The following GPR137C variants were observed in gnomAD, a reference collection of about 807,000 sequenced individuals.
GPR137C encodes the protein G protein-coupled receptor 137C.
In GPR137C, 27 loss-of-function variants were observed where a neutral mutation model predicts 43.4. The observed-to-expected ratio is 0.62, with a 90% CI of 0.46 to 0.86. The LOEUF is 0.86. GPR137C is among the 40% of genes least tolerant of loss of function. The pLI is 0.00. For synonymous variants in GPR137C, 285 were observed against 226.9 expected (o/e 1.26, Z -2.30); for missense variants, 522 against 534.6 (o/e 0.98, Z 0.23).
chr14:52,574,899 T>G (rs2038528045), intron 1 of GPR137C, among the ~76,000 whole-genome samples: 1 of 152,158 alleles, frequency 6.6e-6, no homozygotes, highest in African/African-American at 2.4e-5. Context: ...TCAAAAAGCA[T>G]GAATGGTTTT....
intron 3 of GPR137C, among the ~76,000 whole-genome samples, chr14:52,623,144 A>G (rs1011361895): frequency 1.3e-5 from 2 of 152,154 alleles, no homozygotes; most frequent in African/African-American, 2.4e-5. Flanking sequence ...GTTGGTGCTG[A>G]CACCATATAA....
Position 52,635,404 on chromosome 14 carries a change from C to A in GPR137C, c.*289C>A. The A allele has an allele frequency of 3.8e-6, 1 of 262,858 alleles. No individual in the cohort carries two copies. 16.3% of individuals were successfully genotyped at this position (262,858 alleles called of 1,614,324 possible). A position where few individuals can be genotyped will look rare whatever the true frequency, so the allele number is the denominator to read the frequency against. On this transcript the variant is annotated 3_prime_UTR_variant, in exon 7 of 7. Coordinates refer to ENST00000321662, the MANE Select transcript of GPR137C (RefSeq NM_001099652.2). ...ATCAAATGCATATGTGCACTTTTAT[C>A]TTTGTTCTGAGTCACTGCAGTCCCC...
chr14:52,619,685 T>C lies in GPR137C; in HGVS notation c.718-12475T>C, dbSNP rs979189898. On this transcript the variant is annotated intron_variant, in intron 3 of 6. Coordinates refer to ENST00000321662, the MANE Select transcript of GPR137C (RefSeq NM_001099652.2). ...ATGAGCTAGCATTTTCAGAATTTTT[T>C]AATTTTTCCATGGCCAGATAGCCCA... is the stretch of plus-strand genomic sequence containing the variant. Among the ~76,000 whole-genome samples, 5 of 152,238 alleles carry C rather than the reference T, an allele frequency of 3.3e-5. No individual in the cohort carries two copies. In the South Asian group the frequency reaches 8.3e-4, roughly 25 times the overall value.
At chr14:52,607,090 A>C (rs748957697) in intron 3 of GPR137C, among the ~76,000 whole-genome samples, 1 of 152,208 alleles carries the variant, frequency 6.6e-6, no homozygotes. Flanking sequence ...GTATTTTTAC[A>C]GTTTCAGAAG....
At chr14:52,565,611 G>A (rs1162697424) in intron 1 of GPR137C, among the ~76,000 whole-genome samples, 1 of 152,162 alleles carries the variant, frequency 6.6e-6, no homozygotes, top group East Asian at 1.9e-4. Context: ...TGTGGTCAGT[G>A]CTTAATGACT....
intron 1 of GPR137C, among the ~76,000 whole-genome samples, chr14:52,586,992 G>C (rs567268495): frequency 6.6e-6 from 1 of 152,108 alleles, no homozygotes; most frequent in Non-Finnish European, 1.5e-5. Context: ...ATATTACAGA[G>C]TTTATAGCCA....
chr14:52,557,385 T>C (rs1310060156), intron 1 of GPR137C, among the ~76,000 whole-genome samples: 4 of 152,210 alleles, frequency 2.6e-5, no homozygotes, highest in Non-Finnish European at 5.9e-5. Context: ...AATGAAACTT[T>C]TTATATCATG....
chr14:52,575,508 C>A (rs1195529219), intron 1 of GPR137C, among the ~76,000 whole-genome samples: 4 of 152,230 alleles, frequency 2.6e-5, no homozygotes, highest in Non-Finnish European at 4.4e-5. Flanking sequence ...TCAGTTATTA[C>A]ATTTTACTGA....
At chr14:52,573,181 C>G (rs992122931) in intron 1 of GPR137C, among the ~76,000 whole-genome samples, 2 of 152,196 alleles carry the variant, frequency 1.3e-5, no homozygotes. Flanking sequence ...CTATCCCCAT[C>G]AAGCTACCAT....
In GPR137C at chr14:52,553,432, C is replaced by G; in HGVS notation, c.285C>G (p.Leu95=). Reference sequence around the variant, plus strand: ...TCCTCTGTCTCCTGTGGGCAGCGCTCAGGACCACCCTCTTCTCCGCCGCCT... The same window carrying G: ...TCCTCTGTCTCCTGTGGGCAGCGCTGAGGACCACCCTCTTCTCCGCCGCCT... ...CLFLCLLWAA[L]RTTLFSAAFS... is the part of the protein sequence containing the mutation. The change falls in exon 1 of 7, where the codon CTC becomes CTG. Residue 95 remains leucine, a synonymous_variant. Coordinates refer to ENST00000321662, the MANE Select transcript of GPR137C (RefSeq NM_001099652.2). The G allele has an allele frequency of 5.0e-6, 8 of 1,609,094 alleles. No individual in the cohort carries two copies. Among genetic ancestry groups the G allele is most frequent in the Non-Finnish European group, 6.8e-6 (8 of 1,179,786 alleles).
At chr14:52,598,686 T>G (rs967176290) in intron 2 of GPR137C, among the ~76,000 whole-genome samples, 1 of 152,196 alleles carries the variant, frequency 6.6e-6, no homozygotes, top group African/African-American at 2.4e-5. Flanking sequence ...TCAGTACTGA[T>G]CAATCTCAAT....
chr14:52,627,616 G>A (rs1335624923), intron 3 of GPR137C, among the ~76,000 whole-genome samples: 1 of 152,140 alleles, frequency 6.6e-6, no homozygotes, highest in Non-Finnish European at 1.5e-5. Context: ...GGAGGCCGAG[G>A]TGGGTGGATC....
At chr14:52,620,223 T>C (rs954040183) in intron 3 of GPR137C, among the ~76,000 whole-genome samples, 1 of 152,042 alleles carries the variant, frequency 6.6e-6, no homozygotes, top group East Asian at 1.9e-4. Flanking sequence ...CTACTGCAGA[T>C]GTAAAGTGAG....
chr14:52,593,257 A>G (rs1024182525), intron 1 of GPR137C, among the ~76,000 whole-genome samples: 3 of 152,106 alleles, frequency 2.0e-5, no homozygotes, highest in African/African-American at 7.2e-5. Context: ...GTATTTTCAC[A>G]TCTATGTTTA....
At chr14:52,611,934 A>G in intron 3 of GPR137C, 1 of 984,616 alleles carries the variant, frequency 1.0e-6, no homozygotes, top group Non-Finnish European at 1.2e-6. Flanking sequence ...TCATATTTTG[A>G]CATAGTTTAT....
intron 3 of GPR137C, among the ~76,000 whole-genome samples, chr14:52,631,690 A>C (rs2039295514): frequency 6.6e-6 from 1 of 152,150 alleles, no homozygotes; most frequent in Non-Finnish European, 1.5e-5. Context: ...TCAATAGGGG[A>C]CTAACAAGCA....
chr14:52,596,953 T>G, intron 1 of GPR137C: 1 of 454,416 alleles, frequency 2.2e-6, no homozygotes, highest in South Asian at 1.6e-5. Context: ...TTGGCCATCT[T>G]GGAAGGAACC....
intron 1 of GPR137C, among the ~76,000 whole-genome samples, chr14:52,587,208 A>G (rs543669833): frequency 6.6e-6 from 1 of 152,344 alleles, no homozygotes; most frequent in African/African-American, 2.4e-5. Context: ...TGGGCTCTAT[A>G]TCTGAGTAAG....
chr14:52,583,559 A>G (rs1194100108), intron 1 of GPR137C, among the ~76,000 whole-genome samples: 1 of 152,192 alleles, frequency 6.6e-6, no homozygotes, highest in African/African-American at 2.4e-5. Flanking sequence ...TTGTCTTCAC[A>G]TGATCCTTTT....
Sources: allele counts gnomAD v4.1 joint callset (sites outside exome capture counted in the v4.1 genomes callset), GRCh38; gene constraint gnomAD v4.1.1; transcripts MANE v1.5; gene names NCBI Gene and HGNC (gene_info 2026-07-23, HGNC 2026-07-21).